Variants in MED27 observed in about 807,000 individuals in gnomAD.
MED27 encodes mediator complex subunit 27, also known as mediator of RNA polymerase II transcription subunit 27.
A neutral mutation model predicts 38.2 loss-of-function variants in MED27; 30 were observed. The observed-to-expected ratio is 0.79, with a 90% CI of 0.59 to 1.07. MED27 has a LOEUF of 1.07. Ranked by LOEUF, MED27 falls within the 50% of genes least tolerant of loss-of-function variation. The pLI, the probability that MED27 is intolerant of heterozygous loss-of-function variation, is 0.00. For synonymous variants in MED27, 122 were observed against 153.5 expected (o/e 0.79, Z 1.52); for missense variants, 289 against 397.5 (o/e 0.73, Z 2.32).
At chr9:131,924,671 GC>G (rs1830450969) in intron 4 of MED27, among the ~76,000 whole-genome samples, 1 of 152,066 alleles carries the variant, frequency 6.6e-6, no homozygotes. Context: ...TATTCTACTA[GC>G]CTGTTTGTCT....
intron 6 of MED27, among the ~76,000 whole-genome samples, chr9:131,869,985 G>C (rs1358467758): frequency 6.6e-6 from 1 of 152,104 alleles, no homozygotes; most frequent in Admixed American, 6.5e-5. Context: ...AGGGAGTAGG[G>C]ACTCTTTCAA....
chr9:131,985,363 C>T (rs1005471141), intron 3 of MED27, among the ~76,000 whole-genome samples: 5 of 152,218 alleles, frequency 3.3e-5, no homozygotes, highest in Admixed American at 6.5e-5. Context: ...ATCCCAATCT[C>T]CTCATTCTAT....
At position 132,013,056 on chromosome 9, in the gene MED27, C is replaced by A. The variant is rs866556860; in HGVS notation, c.479+1281G>T. 2.0e-5 allele frequency among the ~76,000 whole-genome samples: 3 copies of A among 152,264 alleles called. No individual in the cohort carries two copies. In the South Asian group the frequency reaches 6.2e-4, roughly 32 times the overall value. ...GGGGTGAGCAGGACAGGCGAAGGAACGCTTCTCGGGCATCTGGCCCTCCCA... is the reference window on the plus strand; with the variant it reads ...GGGGTGAGCAGGACAGGCGAAGGAAAGCTTCTCGGGCATCTGGCCCTCCCA... On this transcript the variant is annotated intron_variant, in intron 3 of 7. Transcript: ENST00000292035.
intron 3 of MED27, among the ~76,000 whole-genome samples, chr9:132,004,175 C>G (rs748313150): frequency 2.0e-5 from 3 of 152,208 alleles, no homozygotes; most frequent in Non-Finnish European, 4.4e-5. Context: ...CTACAGATTT[C>G]AGTCTGTGGC....
intron 3 of MED27, among the ~76,000 whole-genome samples, chr9:131,942,055 G>A (rs1830796846): frequency 6.6e-6 from 1 of 152,076 alleles, no homozygotes. Flanking sequence ...TTGATCTCCT[G>A]ACCTTGTGAT....
intron 3 of MED27, among the ~76,000 whole-genome samples, chr9:131,957,817 G>A (rs1180932391): frequency 2.0e-5 from 3 of 151,258 alleles, no homozygotes; most frequent in Non-Finnish European, 4.4e-5. Flanking sequence ...AATGGTTCAC[G>A]TCTGTAATCC....
chr9:132,001,782 G>T (rs752681024), intron 3 of MED27, among the ~76,000 whole-genome samples: 1 of 152,156 alleles, frequency 6.6e-6, no homozygotes, highest in African/African-American at 2.4e-5. Flanking sequence ...TTTCCCTTAC[G>T]GTATAGATGC....
chr9:131,962,888 A>G (rs1831246527), intron 3 of MED27, among the ~76,000 whole-genome samples: 1 of 152,226 alleles, frequency 6.6e-6, no homozygotes, highest in South Asian at 2.1e-4. Flanking sequence ...GATGAAGTTC[A>G]TAGTAAGATG....
At chr9:131,991,639 T>G (rs1472698921) in intron 3 of MED27, among the ~76,000 whole-genome samples, 1 of 152,216 alleles carries the variant, frequency 6.6e-6, no homozygotes, top group African/African-American at 2.4e-5. Context: ...ATATATAGCA[T>G]GAAATTTAAT....
At chr9:132,045,760 T>C (rs1362540393) in intron 2 of MED27, among the ~76,000 whole-genome samples, 2 of 152,218 alleles carry the variant, frequency 1.3e-5, no homozygotes, top group Non-Finnish European at 2.9e-5. Flanking sequence ...GCTAAAACAC[T>C]CTGTTTCTCA....
chr9:131,986,289 T>C (rs1831848796), intron 3 of MED27, among the ~76,000 whole-genome samples: 1 of 152,140 alleles, frequency 6.6e-6, no homozygotes, highest in African/African-American at 2.4e-5. Flanking sequence ...CAACCTGTAG[T>C]CCTGCAAGCT....
chr9:131,888,282 C>T (rs530200396), intron 5 of MED27, among the ~76,000 whole-genome samples: 133 of 152,308 alleles, frequency 8.7e-4, no homozygotes, highest in African/African-American at 3.0e-3. Context: ...CAGATGAGGA[C>T]GCTGAGGCTC....
intron 2 of MED27, among the ~76,000 whole-genome samples, chr9:132,043,053 A>G (rs1026196975): frequency 1.3e-5 from 2 of 152,196 alleles, no homozygotes; most frequent in Admixed American, 6.5e-5. Context: ...TAATAAGAGC[A>G]CTGCTTCCCC....
intron 4 of MED27, among the ~76,000 whole-genome samples, chr9:131,894,607 C>T (rs1369398800): frequency 2.0e-5 from 3 of 149,484 alleles, no homozygotes; most frequent in South Asian, 4.4e-4. Flanking sequence ...AGAACCTAAG[C>T]ACATATTATA....
At chr9:132,058,505 T>G (rs1833629029) in intron 2 of MED27, among the ~76,000 whole-genome samples, 1 of 152,112 alleles carries the variant, frequency 6.6e-6, no homozygotes, top group East Asian at 1.9e-4. Context: ...CTTTTCCCCC[T>G]TTGCTCAGCA....
intron 4 of MED27, among the ~76,000 whole-genome samples, chr9:131,906,759 C>A: frequency 6.6e-6 from 1 of 152,050 alleles, no homozygotes; most frequent in East Asian, 1.9e-4. Context: ...AAAGTGACAG[C>A]AAATTTATTA....
In MED27 at chr9:132,072,398, T is replaced by C. The variant is rs1036203507; in HGVS notation, c.348+5044A>G. Among the ~76,000 whole-genome samples the C allele has an allele frequency of 2.0e-5, 3 of 152,286 alleles. 1 individual carries two copies. ...AAGCAGAGCTGGATCAGAACTCAGGTAGTCTTGACTCCAGAACTTACATCT... is the reference window on the plus strand; with the variant it reads ...AAGCAGAGCTGGATCAGAACTCAGGCAGTCTTGACTCCAGAACTTACATCT... On this transcript the variant is annotated intron_variant, in intron 2 of 7. Transcript: ENST00000292035.
intron 3 of MED27, among the ~76,000 whole-genome samples, chr9:131,943,036 G>A (rs564113079): frequency 5.9e-5 from 9 of 152,250 alleles, no homozygotes; most frequent in Non-Finnish European, 8.8e-5. Flanking sequence ...TCCCCAACCC[G>A]TGACCTCAGA....
At chr9:132,057,138 C>T (rs1013387790) in intron 2 of MED27, among the ~76,000 whole-genome samples, 3 of 152,176 alleles carry the variant, frequency 2.0e-5, no homozygotes, top group African/African-American at 7.2e-5. Flanking sequence ...TTTTTGTTCA[C>T]ATGAACTCAA....
Sources: gnomAD v4.1 joint callset for allele counts (sites outside exome capture counted in the v4.1 genomes callset) on GRCh38, gnomAD v4.1.1 for gene constraint, MANE v1.5 for transcripts, NCBI Gene and HGNC (gene_info 2026-07-23, HGNC 2026-07-21) for gene names.